Variants in SLC23A2 observed in about 807,000 individuals in gnomAD.
SLC23A2 encodes the protein Na(+)/L-ascorbic acid transporter 2.
A neutral mutation model predicts 73.3 loss-of-function variants in SLC23A2; 36 were observed. That is an observed-to-expected ratio of 0.49 (90% confidence interval 0.38 to 0.65). SLC23A2 has a LOEUF of 0.65. SLC23A2 is among the 30% of genes least tolerant of loss of function. The probability of loss-of-function intolerance (pLI) is 0.00; values close to 1 mark genes in which losing one functional copy is unlikely to be tolerated. For missense variants in SLC23A2, 507 were observed against 841.6 expected (o/e 0.60, Z 4.92); for synonymous variants, 343 against 327.3 (o/e 1.05, Z -0.52).
Position 4,902,505 on chromosome 20 carries a change from T to C in SLC23A2, c.261A>G (p.Ser87=), listed in dbSNP as rs1414810582. 2.5e-6 allele frequency: 4 copies of C among 1,613,350 alleles called. No individual in the cohort carries two copies. The highest frequency in any genetic ancestry group is 3.4e-6 in the Non-Finnish European group (4 of 1,179,542). ...DSTGSLDPQR[S]DMIYTIEDVP... ...CATCTTCTATGGTATAAATCATGTCTGATCGCTGGGGGTCCAGACTGCCAG... is the reference window on the plus strand; with the variant it reads ...CATCTTCTATGGTATAAATCATGTCCGATCGCTGGGGGTCCAGACTGCCAG... The change falls in exon 5 of 17, where the codon TCA becomes TCG. Residue 87 remains serine (S), a synonymous_variant. Coordinates refer to ENST00000338244, the MANE Select transcript of SLC23A2 (RefSeq NM_005116.6). The surrounding 1 kb of genome is among the most constrained non-coding windows in gnomAD (Gnocchi z 4.0).
chr20:5,002,711 T>C (rs1327825503), upstream of SLC23A2, among the ~76,000 whole-genome samples: 2 of 152,256 alleles, frequency 1.3e-5, no homozygotes, highest in African/African-American at 2.4e-5. Context: ...TTTATTTATC[T>C]AATAACTGCA....
At chr20:4,955,263 A>C (rs1212833304) in intron 2 of SLC23A2, among the ~76,000 whole-genome samples, 1 of 151,588 alleles carries the variant, frequency 6.6e-6, no homozygotes, top group Non-Finnish European at 1.5e-5. Context: ...TCTAAAAAGA[A>C]GAAAAAAGAA....
At chr20:4,913,184 G>A (rs1376329265) in intron 3 of SLC23A2, among the ~76,000 whole-genome samples, 1 of 152,188 alleles carries the variant, frequency 6.6e-6, no homozygotes, top group Non-Finnish European at 1.5e-5. Context: ...CCTCAGCAGG[G>A]GCACCCCCAC....
At chr20:4,932,744 C>G (rs1600146198) in intron 2 of SLC23A2, 28 bp from the exon 3 acceptor site, 1 of 573,336 alleles carries the variant, frequency 1.7e-6, no homozygotes, top group African/African-American at 1.9e-5. Flanking sequence ...AGCCAAATCA[C>G]CCCAAAGCAT....
chr20:5,000,955 G>T (rs904199539), intron 1 of SLC23A2, among the ~76,000 whole-genome samples: 1 of 152,194 alleles, frequency 6.6e-6, no homozygotes, highest in African/African-American at 2.4e-5. Flanking sequence ...AATTCCAGGG[G>T]GCGAGACGAT....
chr20:4,966,806 T>TTTGA (rs1224900889), intron 2 of SLC23A2, among the ~76,000 whole-genome samples: 2 of 40,470 alleles, frequency 4.9e-5, no homozygotes, highest in African/African-American at 7.9e-5. Context: ...CTTTTGATAG[T>TTTGA]TTTACACACA....
At chr20:4,981,076 T>C (rs1252171089) in intron 1 of SLC23A2, among the ~76,000 whole-genome samples, 1 of 152,212 alleles carries the variant, frequency 6.6e-6, no homozygotes, top group Non-Finnish European at 1.5e-5. Context: ...ATTTCCTACA[T>C]ATTCTTCTCA....
chr20:4,969,823 A>G (rs987576908), intron 2 of SLC23A2, among the ~76,000 whole-genome samples: 9 of 152,116 alleles, frequency 5.9e-5, no homozygotes, highest in Non-Finnish European at 1.3e-4. Flanking sequence ...TTACCTATAC[A>G]TGTATCAAAT....
intron 9 of SLC23A2, 51 bp from the exon 10 acceptor site, chr20:4,874,747 A>G (rs1174331679): frequency 7.4e-6 from 11 of 1,479,308 alleles, no homozygotes; most frequent in Non-Finnish European, 1.0e-5. Context: ...TGTCTCTGTT[A>G]TAAAATAACA....
intron 2 of SLC23A2, among the ~76,000 whole-genome samples, chr20:4,960,698 T>A (rs2087368015): frequency 6.6e-6 from 1 of 152,136 alleles, no homozygotes; most frequent in Non-Finnish European, 1.5e-5. Context: ...AACACAAAAG[T>A]AAAGACACGG....
intron 3 of SLC23A2, among the ~76,000 whole-genome samples, chr20:4,928,796 C>T (rs1012715451): frequency 2.6e-5 from 4 of 152,210 alleles, no homozygotes; most frequent in African/African-American, 9.6e-5. Context: ...CGTCCACATT[C>T]CCAGCTCCCA....
chr20:4,897,926 G>A (rs1385818462), intron 6 of SLC23A2, among the ~76,000 whole-genome samples: 9 of 152,174 alleles, frequency 5.9e-5, no homozygotes, highest in East Asian at 1.9e-4. Flanking sequence ...ACAAATCCAC[G>A]GATAAGTCAG....
chr20:4,906,647 C>A (rs966308929), intron 4 of SLC23A2, among the ~76,000 whole-genome samples: 14 of 151,908 alleles, frequency 9.2e-5, no homozygotes, highest in Admixed American at 2.0e-4. Context: ...CAACAAAAAA[C>A]CAAAAAACAA....
chr20:4,902,472 G>A lies in SLC23A2; in HGVS notation c.294C>T (p.Pro98=). 6.2e-7 allele frequency: 1 copy of A among 1,607,894 alleles called. No homozygotes were observed. Among genetic ancestry groups the A allele is most frequent in the East Asian group, 2.2e-5 (1 of 44,588 alleles). Residue 98 remains proline (P), a synonymous_variant, in exon 5 of 17, where the codon CCC becomes CCT. Transcript: ENST00000338244. The surrounding 1 kb of genome is among the most constrained non-coding windows in gnomAD (Gnocchi z 4.0). Reference sequence around the variant, plus strand: ...GCCCCAGAAATATACACAGGTACCAGGGAGGAACATCTTCTATGGTATAAA... The same window carrying A: ...GCCCCAGAAATATACACAGGTACCAAGGAGGAACATCTTCTATGGTATAAA... ...DMIYTIEDVP[P]WYLCIFLGLQ... is the part of the protein sequence containing the mutation.
intron 1 of SLC23A2, among the ~76,000 whole-genome samples, chr20:4,991,703 C>CAG (rs898678104): frequency 5.7e-5 from 8 of 140,186 alleles, no homozygotes; most frequent in African/African-American, 1.8e-4. Context: ...GCCTGGGTGA[C>CAG]AGAGAGAGAC....
chr20:4,939,746 T>C (rs2087012732), intron 2 of SLC23A2, among the ~76,000 whole-genome samples: 2 of 152,104 alleles, frequency 1.3e-5, no homozygotes, highest in South Asian at 2.1e-4. Flanking sequence ...CTGACAATAA[T>C]AGGATAAAGG....
At chr20:4,984,362 G>A (rs2087786373) in intron 1 of SLC23A2, among the ~76,000 whole-genome samples, 1 of 152,074 alleles carries the variant, frequency 6.6e-6, no homozygotes, top group Non-Finnish European at 1.5e-5. Context: ...AGACCATCCT[G>A]GCTAACACAG....
chr20:4,908,106 C>G (rs1025004456), intron 4 of SLC23A2, among the ~76,000 whole-genome samples: 5 of 152,176 alleles, frequency 3.3e-5, no homozygotes, highest in Non-Finnish European at 5.9e-5. Context: ...ACAAACAAAA[C>G]ATGCATAATT....
chr20:4,943,149 G>T, intron 2 of SLC23A2, among the ~76,000 whole-genome samples: 1 of 148,058 alleles, frequency 6.8e-6, no homozygotes, highest in Non-Finnish European at 1.5e-5. Context: ...GGGGTGGGGC[G>T]GTGTGGAGAA....
Sources: allele counts gnomAD v4.1 joint callset (sites outside exome capture counted in the v4.1 genomes callset), GRCh38; gene constraint gnomAD v4.1.1; non-coding constraint Gnocchi (gnomAD v3.1); transcripts MANE v1.5; gene names NCBI Gene and HGNC (gene_info 2026-07-23, HGNC 2026-07-21).